The following GATB variants were observed in gnomAD, a reference collection of about 807,000 sequenced individuals.
GATB encodes the protein glutamyl-tRNA(Gln) amidotransferase subunit B, mitochondrial.
Under a neutral mutation model 62.3 loss-of-function variants are expected in GATB, and 39 were observed. That is an observed-to-expected ratio of 0.63 (90% CI 0.48 to 0.82). The LOEUF (loss-of-function observed/expected upper bound fraction) is 0.82. Ranked by LOEUF, GATB falls within the 40% of genes least tolerant of loss-of-function variation. The probability of loss-of-function intolerance (pLI) is 0.00; values close to 1 mark genes in which losing one functional copy is unlikely to be tolerated. For missense variants in GATB, 670 were observed against 684.0 expected, an observed-to-expected ratio of 0.98 and a Z score of 0.23; for synonymous variants, 276 against 258.9, an observed-to-expected ratio of 1.07 and a Z score of -0.63.
chr4:151,699,737 A>G (rs28605105), intron 9 of GATB, among the ~76,000 whole-genome samples: 20,854 of 152,148 alleles, frequency 0.14, 1,645 homozygotes, highest in African/African-American at 0.21. Flanking sequence ...TATTCTTGAG[A>G]TTCTGAAAGT....
intron 2 of GATB, among the ~76,000 whole-genome samples, chr4:151,747,444 G>A (rs1412846173): frequency 1.3e-5 from 2 of 152,210 alleles, no homozygotes; most frequent in Non-Finnish European, 2.9e-5. Context: ...CTTGACGCTG[G>A]CACTATCTAA....
At chr4:151,692,755 G>C (rs1738391336) in intron 9 of GATB, among the ~76,000 whole-genome samples, 2 of 152,202 alleles carry the variant, frequency 1.3e-5, no homozygotes, top group South Asian at 4.1e-4. Context: ...CCTGGACACT[G>C]CACAGTCCTG....
At chr4:151,687,564 G>C (rs1738275790) in intron 10 of GATB, among the ~76,000 whole-genome samples, 1 of 152,208 alleles carries the variant, frequency 6.6e-6, no homozygotes, top group South Asian at 2.1e-4. Context: ...CCTGCTTCTA[G>C]TCTGCTCTCA....
intron 2 of GATB, among the ~76,000 whole-genome samples, chr4:151,741,667 G>T (rs942492815): frequency 2.0e-5 from 3 of 152,176 alleles, no homozygotes; most frequent in Admixed American, 2.0e-4. Flanking sequence ...CACCCAGGGG[G>T]AGGCCAGACG....
At chr4:151,747,818 C>G (rs1739632518) in intron 2 of GATB, among the ~76,000 whole-genome samples, 1 of 152,130 alleles carries the variant, frequency 6.6e-6, no homozygotes. Flanking sequence ...ACAGAAACAG[C>G]TGGAGGCACA....
At chr4:151,703,826 G>A (rs1184416222) in intron 8 of GATB, 25 bp downstream of exon 8, 1 of 1,508,082 alleles carries the variant, frequency 6.6e-7, no homozygotes, top group South Asian at 1.1e-5. Flanking sequence ...ATATATAGCG[G>A]TATTTTGCCA....
At chr4:151,686,663 A>ACCCCCG (rs1192297831) in intron 10 of GATB, among the ~76,000 whole-genome samples, 71 of 68,538 alleles carry the variant, frequency 1.0e-3, no homozygotes, top group Non-Finnish European at 2.0e-3. Context: ...CCCCCCCCCC[A>ACCCCCG]CCCCCCAGTT....
chr4:151,755,773 G>A (rs1739814318), intron 2 of GATB, among the ~76,000 whole-genome samples: 1 of 152,120 alleles, frequency 6.6e-6, no homozygotes, highest in Non-Finnish European at 1.5e-5. Context: ...TTTTCCCACT[G>A]ATTTTTGCTT....
At chr4:151,752,784 T>C (rs965074322) in intron 2 of GATB, among the ~76,000 whole-genome samples, 2 of 152,338 alleles carry the variant, frequency 1.3e-5, no homozygotes, top group African/African-American at 2.4e-5. Flanking sequence ...TTGTCTATCA[T>C]GTTGGAGAAT....
intron 10 of GATB, among the ~76,000 whole-genome samples, chr4:151,680,172 G>C (rs898493414): frequency 6.6e-6 from 1 of 151,796 alleles, no homozygotes; most frequent in East Asian, 1.9e-4. Context: ...AGTGTAATTA[G>C]TCAAGAAAAG....
At chr4:151,694,076 C>G (rs1177354207) in intron 9 of GATB, among the ~76,000 whole-genome samples, 1 of 152,170 alleles carries the variant, frequency 6.6e-6, no homozygotes, top group Non-Finnish European at 1.5e-5. Flanking sequence ...CTAACACCAC[C>G]ACTGTCCAAT....
intron 1 of GATB, among the ~76,000 whole-genome samples, chr4:151,760,069 A>C (rs1739920236): frequency 6.6e-6 from 1 of 152,228 alleles, no homozygotes; most frequent in African/African-American, 2.4e-5. Flanking sequence ...ACAAAACTGA[A>C]TACTTCTTTC....
chr4:151,680,847 A>G (rs1053991060), intron 10 of GATB, among the ~76,000 whole-genome samples: 1 of 152,190 alleles, frequency 6.6e-6, no homozygotes, highest in Admixed American at 6.5e-5. Flanking sequence ...TTTGCACATC[A>G]TCGTCAATGC....
chr4:151,675,560 C>G (rs1053702207), intron 11 of GATB: 1 of 152,244 alleles, frequency 6.6e-6, no homozygotes, highest in African/African-American at 2.4e-5. Flanking sequence ...TTGACGCTCA[C>G]AGAGTGGCCT....
chr4:151,704,238 G>A (rs907993981), intron 7 of GATB, among the ~76,000 whole-genome samples: 1 of 152,010 alleles, frequency 6.6e-6, no homozygotes, highest in African/African-American at 2.4e-5. Flanking sequence ...ACAAAAATAA[G>A]GCATCTCTAC....
At chr4:151,724,247 T>C (rs1739087280) in intron 2 of GATB, 1 of 152,108 alleles carries the variant, frequency 6.6e-6, no homozygotes, top group Non-Finnish European at 1.5e-5. Flanking sequence ...TTTCTTAACA[T>C]TTCTTGATTT....
intron 9 of GATB, among the ~76,000 whole-genome samples, chr4:151,699,443 C>T (rs1477235451): frequency 6.6e-6 from 1 of 150,754 alleles, no homozygotes; most frequent in East Asian, 1.9e-4. Flanking sequence ...TTTCCCTATA[C>T]AGGCCTTTAA....
chr4:151,708,094 C>A lies in GATB; in HGVS notation c.771G>T (p.Gln257His), dbSNP rs1420982138. The stretch of plus-strand genomic sequence containing the variant: ...CGGATATATTGGCATCCACTCTCAA[C>A]TGGCCCTCTGGAAGGAGAGAAGAAA... ...GTSQANMAEG[Q>H]LRVDANISVH... The change falls in exon 6 of 13, where the codon CAG becomes CAT. Residue 257 changes from glutamine to histidine, a missense_variant. By Grantham distance (24) the Gln-to-His change is conservative. Transcript: ENST00000263985. 1.2e-6 allele frequency: 2 copies of A among 1,609,652 alleles called. No homozygotes were observed. The highest frequency in any genetic ancestry group is 1.7e-6 in the Non-Finnish European group (2 of 1,176,280).
At position 151,716,111 on chromosome 4, in the gene GATB, C is replaced by A. The variant is rs137948992; in HGVS notation, c.661G>T (p.Val221Phe). The A allele has an allele frequency of 1.2e-6, 2 of 1,613,794 alleles. No homozygotes were observed. The highest frequency in any genetic ancestry group is 2.2e-5 in the East Asian group (1 of 44,864). ...CCACAGGACATGTCGGGCTCCAGGA[C>A]CACCTCCAGAAGGCCCACTCCTACC... ...NRAGVGLLEV[V>F]LEPDMSCGEE... Residue 221 changes from valine (V) to phenylalanine (F), a missense_variant, in exon 5 of 13, where the codon GTC (valine) becomes TTC (phenylalanine). Coordinates refer to ENST00000263985, the MANE Select transcript of GATB (RefSeq NM_004564.3).
Sources: gnomAD v4.1 joint callset for allele counts (sites outside exome capture counted in the v4.1 genomes callset) on GRCh38, gnomAD v4.1.1 for gene constraint, MANE v1.5 for transcripts, NCBI Gene and HGNC (gene_info 2026-07-23, HGNC 2026-07-21) for gene names.